Variants in CBFA2T2 observed in about 807,000 individuals in gnomAD.
CBFA2T2 encodes the protein protein CBFA2T2.
CBFA2T2 carries 11 observed loss-of-function variants against 62.2 expected under a neutral mutation model. The observed-to-expected ratio is 0.18, with a 90% CI of 0.11 to 0.29. The LOEUF is 0.29. CBFA2T2 is among the 10% of genes least tolerant of loss of function. The pLI, the probability that CBFA2T2 is intolerant of heterozygous loss-of-function variation, is 1.00. For synonymous variants in CBFA2T2, 295 were observed against 287.5 expected, an observed-to-expected ratio of 1.03 and a Z score of -0.27; for missense variants, 592 against 774.1, an observed-to-expected ratio of 0.76 and a Z score of 2.79.
At chr20:33,531,376 T>C (rs1313998371) in intron 1 of CBFA2T2, among the ~76,000 whole-genome samples, 1 of 152,154 alleles carries the variant, frequency 6.6e-6, no homozygotes. Flanking sequence ...ATGCTGTCAT[T>C]TAGGCCAGAA....
intron 1 of CBFA2T2, among the ~76,000 whole-genome samples, chr20:33,588,028 C>CTA (rs746176678): frequency 5.3e-4 from 80 of 152,284 alleles, no homozygotes; most frequent in Non-Finnish European, 1.0e-3. Context: ...TTATGTAGAA[C>CTA]TATAGACTGA....
At chr20:33,536,322 A>G (rs529234204) in intron 1 of CBFA2T2, among the ~76,000 whole-genome samples, 15,045 of 133,248 alleles carry the variant, frequency 0.11, 2,148 homozygotes, top group African/African-American at 0.33. Context: ...CCTCCCTCCC[A>G]GACGGGGCGG....
In CBFA2T2 at chr20:33,623,267, C is replaced by T. The variant is rs147158236; in HGVS notation, c.663C>T (p.His221=). ...ADSSELLMEV[H]GNGKRPSPER... is the part of the protein sequence containing the mutation. ...CGTCAGAGTTGCTCATGGAGGTGCA[C>T]GGAAATGGGAAGAGGCCCAGTCCAG... Residue 221 remains histidine (H), a synonymous_variant, in exon 5 of 11, where the codon CAC becomes CAT. Transcript: ENST00000342704. The T allele has an allele frequency of 5.5e-5, 89 of 1,614,204 alleles. No homozygotes were observed. In the African/African-American group the frequency reaches 9.7e-4, roughly 18 times the overall value.
At chr20:33,541,162 A>C (rs939812276) in intron 1 of CBFA2T2, among the ~76,000 whole-genome samples, 3 of 152,176 alleles carry the variant, frequency 2.0e-5, no homozygotes, top group African/African-American at 7.2e-5. Flanking sequence ...TCCATTGCTG[A>C]TATTTTGCAT....
At chr20:33,535,612 T>A (rs1434767874) in intron 1 of CBFA2T2, among the ~76,000 whole-genome samples, 5 of 146,516 alleles carry the variant, frequency 3.4e-5, no homozygotes, top group African/African-American at 1.3e-4. Flanking sequence ...ATTTTTATTT[T>A]TTTATTTTTT....
chr20:33,520,276 C>T (rs772451035), intron 1 of CBFA2T2, among the ~76,000 whole-genome samples: 17 of 152,240 alleles, frequency 1.1e-4, no homozygotes, highest in Non-Finnish European at 1.9e-4. Flanking sequence ...GATCAGTTAA[C>T]GCTCACTGAG....
chr20:33,637,322 C>T (rs1351380495), intron 9 of CBFA2T2, among the ~76,000 whole-genome samples: 5 of 152,180 alleles, frequency 3.3e-5, no homozygotes, highest in Non-Finnish European at 7.4e-5. Context: ...AAGTCCAATA[C>T]AACTTTTGGT....
At chr20:33,635,263 C>A (rs1046718183) in intron 8 of CBFA2T2, among the ~76,000 whole-genome samples, 2 of 152,164 alleles carry the variant, frequency 1.3e-5, no homozygotes, top group Non-Finnish European at 2.9e-5. Context: ...TAGTAACCTA[C>A]AATTTTTCAA....
chr20:33,584,229 G>A (rs1490729022), intron 1 of CBFA2T2, among the ~76,000 whole-genome samples: 1 of 151,308 alleles, frequency 6.6e-6, no homozygotes, highest in Non-Finnish European at 1.5e-5. Flanking sequence ...GATTACAGGC[G>A]TGAGCCACCA....
At chr20:33,502,699 G>A (rs928340984) in intron 1 of CBFA2T2, among the ~76,000 whole-genome samples, 5 of 149,900 alleles carry the variant, frequency 3.3e-5, no homozygotes, top group African/African-American at 4.9e-5. Context: ...CACCGTGCCC[G>A]GCCTAGTTTC....
At position 33,646,918 on chromosome 20, in the gene CBFA2T2, C is replaced by T. The variant is rs1178080178; in HGVS notation, c.*2272C>T. 4.0e-5 allele frequency: 6 copies of T among 151,056 alleles called. No homozygotes were observed. The highest frequency in any genetic ancestry group is 1.5e-4 in the African/African-American group (6 of 41,102). 9.4% of individuals were successfully genotyped at this position (151,056 alleles called of 1,614,324 possible). The stretch of plus-strand genomic sequence containing the variant: ...TTTCAAGTCCCTAATTTACTCTAAC[C>T]AAGCATTTTCAGTCTTACAAAGAAA... On this transcript the variant is annotated 3_prime_UTR_variant, in exon 11 of 11. Coordinates refer to ENST00000342704, the MANE Select transcript of CBFA2T2 (RefSeq NM_001032999.3).
intron 4 of CBFA2T2, among the ~76,000 whole-genome samples, chr20:33,621,906 G>A (rs951413222): frequency 6.6e-6 from 1 of 152,150 alleles, no homozygotes; most frequent in Non-Finnish European, 1.5e-5. Context: ...CAGCTGTGCT[G>A]GTTCTATCTT....
chr20:33,624,689 A>G (rs1440041727), intron 5 of CBFA2T2, 75 bp from the exon 6 acceptor site: 5 of 1,511,792 alleles, frequency 3.3e-6, no homozygotes, highest in Admixed American at 1.8e-5. Flanking sequence ...TACCTAATAC[A>G]TAGTAGGTTC....
chr20:33,490,548 C>T (rs1272070670), intron 1 of CBFA2T2, among the ~76,000 whole-genome samples: 1 of 152,190 alleles, frequency 6.6e-6, no homozygotes, highest in Non-Finnish European at 1.5e-5. Flanking sequence ...GGCCCGCGGC[C>T]TCGGAACTTA....
At chr20:33,603,848 C>G (rs766664594) in intron 1 of CBFA2T2, among the ~76,000 whole-genome samples, 5 of 152,182 alleles carry the variant, frequency 3.3e-5, no homozygotes, top group Non-Finnish European at 7.3e-5. Context: ...GTCACCATAA[C>G]TAGGATGACA....
At position 33,503,254 on chromosome 20, in the gene CBFA2T2, C is replaced by CTTTT. The variant is rs557746879; in HGVS notation, c.34+12968_34+12971dup. Among the ~76,000 whole-genome samples the CTTTT allele has an allele frequency of 1.0e-4, 11 of 108,640 alleles. 1 individual carries two copies. The highest frequency in any genetic ancestry group is 1.6e-4 in the Non-Finnish European group (9 of 57,592). 71.3% of individuals were successfully genotyped at this position (108,640 alleles called of 152,430 possible). ...TGTATCTAAATTTCTTTCTTTCTTT[C>CTTTT]TTTTTTTTTTTTTTTTTTGAGATGG... On this transcript the variant is annotated intron_variant, in intron 1 of 10. Coordinates refer to ENST00000342704, the MANE Select transcript of CBFA2T2 (RefSeq NM_001032999.3).
intron 1 of CBFA2T2, among the ~76,000 whole-genome samples, chr20:33,566,591 G>A (rs2013322312): frequency 6.7e-6 from 1 of 149,480 alleles, no homozygotes; most frequent in African/African-American, 2.5e-5. Context: ...GGGCAACAGA[G>A]CAAGACTCAG....
rs2012074999 is a variant in CBFA2T2 at position 33,531,988 on chromosome 20, T to C, written c.34+41687T>C. Among the ~76,000 whole-genome samples, 4 of 152,194 alleles carry C rather than the reference T, an allele frequency of 2.6e-5. No homozygotes were observed. The South Asian group carries it at 8.3e-4, about 31-fold the overall frequency. On this transcript the variant is annotated intron_variant, in intron 1 of 10. Coordinates refer to ENST00000342704, the MANE Select transcript of CBFA2T2 (RefSeq NM_001032999.3). ...AATTTATTGTGGGGAATTTTGAACA[T>C]ACACAAAGTAGATGGAGTAATGTAG... is the stretch of plus-strand genomic sequence containing the variant.
intron 1 of CBFA2T2, among the ~76,000 whole-genome samples, chr20:33,552,075 GTT>G (rs57034549): frequency 7.3e-6 from 1 of 136,910 alleles, no homozygotes. Flanking sequence ...TGCTTCCCTG[GTT>G]TTTTTTTTTT....
Sources: gnomAD v4.1 joint callset for allele counts (sites outside exome capture counted in the v4.1 genomes callset) on GRCh38, gnomAD v4.1.1 for gene constraint, MANE v1.5 for transcripts, NCBI Gene and HGNC (gene_info 2026-07-23, HGNC 2026-07-21) for gene names.